The following CNTN4 variants were observed in gnomAD, a reference collection of about 807,000 sequenced individuals.
CNTN4 encodes the protein contactin-4.
In CNTN4, 77 loss-of-function variants were observed where a neutral mutation model predicts 122.5. That is an observed-to-expected ratio of 0.63 (90% CI 0.52 to 0.76). CNTN4 has a LOEUF of 0.76. Among genes scored for constraint, CNTN4 ranks in the 30% least tolerant of loss-of-function variants. CNTN4 has a pLI of 0.00. For synonymous variants in CNTN4, 512 were observed against 447.0 expected, an observed-to-expected ratio of 1.15 and a Z score of -1.83; for missense variants, 1,256 against 1,259.1, an observed-to-expected ratio of 1.00 and a Z score of 0.04.
At chr3:2,647,367 G>T (rs1474934765) in intron 4 of CNTN4, among the ~76,000 whole-genome samples, 1 of 149,876 alleles carries the variant, frequency 6.7e-6, no homozygotes, top group Non-Finnish European at 1.5e-5. Context: ...GGCAACGAGA[G>T]CGAAACTCAT....
intron 12 of CNTN4, 86 bp downstream of exon 12, chr3:2,903,091 A>G (rs553613096): frequency 4.1e-5 from 57 of 1,392,928 alleles, no homozygotes; most frequent in Middle Eastern, 3.8e-4. Flanking sequence ...TAAATGTTCA[A>G]TCCAAGAAAA....
intron 10 of CNTN4, among the ~76,000 whole-genome samples, chr3:2,895,473 G>A (rs1293330030): frequency 6.6e-6 from 1 of 152,136 alleles, no homozygotes; most frequent in Admixed American, 6.5e-5. Flanking sequence ...GCTTTGAGTT[G>A]CCTTCTAGTG....
At chr3:2,195,925 A>G (rs1379189395) in intron 2 of CNTN4, among the ~76,000 whole-genome samples, 1 of 152,256 alleles carries the variant, frequency 6.6e-6, no homozygotes, top group Non-Finnish European at 1.5e-5. Flanking sequence ...AATTTTCAGT[A>G]AGGATTGTGG....
chr3:2,341,607 C>G (rs981819382), intron 3 of CNTN4, among the ~76,000 whole-genome samples: 1 of 152,194 alleles, frequency 6.6e-6, no homozygotes, highest in South Asian at 2.1e-4. Context: ...CAAAGAGGGC[C>G]CAGGCACCCT....
At chr3:2,916,440 A>G (rs2094356221) in intron 12 of CNTN4, among the ~76,000 whole-genome samples, 1 of 149,810 alleles carries the variant, frequency 6.7e-6, no homozygotes, top group South Asian at 2.2e-4. Context: ...TCTGTTTAAC[A>G]AAGCACATCT....
chr3:2,866,841 G>T lies in CNTN4; in HGVS notation c.544G>T (p.Ala182Ser). 1.9e-6 allele frequency: 3 copies of T among 1,613,744 alleles called. No individual in the cohort carries two copies. The highest frequency in any genetic ancestry group is 2.5e-6 in the Non-Finnish European group (3 of 1,179,732). The change falls in exon 8 of 25, where the codon GCC (alanine) becomes TCC (serine). Residue 182 changes from alanine (A) to serine (S), a missense_variant. Coordinates refer to ENST00000418658, the MANE Select transcript of CNTN4 (RefSeq NM_175607.3). ...VSQETGNLYI[A>S]KVEKSDVGNY... ...TCAAGAGACTGGGAATCTGTATATT[G>T]CCAAAGTAGAAAAATCAGATGTTGG...
At chr3:2,549,341 A>G (rs575457278) in intron 3 of CNTN4, among the ~76,000 whole-genome samples, 1 of 152,280 alleles carries the variant, frequency 6.6e-6, no homozygotes, top group South Asian at 2.1e-4. Context: ...TGGGTTTGTC[A>G]TAAATAGCTC....
intron 2 of CNTN4, among the ~76,000 whole-genome samples, chr3:2,239,491 G>A (rs769369456): frequency 1.3e-5 from 2 of 152,178 alleles, no homozygotes; most frequent in Non-Finnish European, 2.9e-5. Context: ...TGGATCAGCA[G>A]TGTAGAGCAA....
chr3:2,360,699 G>T (rs940979091), intron 3 of CNTN4, among the ~76,000 whole-genome samples: 5 of 152,218 alleles, frequency 3.3e-5, no homozygotes, highest in Middle Eastern at 3.4e-3. Context: ...CCAAGTAAAG[G>T]GGGAAGAGCC....
intron 3 of CNTN4, among the ~76,000 whole-genome samples, chr3:2,406,576 A>T (rs1304753083): frequency 6.6e-6 from 1 of 152,142 alleles, no homozygotes; most frequent in African/African-American, 2.4e-5. Context: ...GTGTATGGGA[A>T]TTCTCTGTAC....
chr3:2,237,061 T>C (rs977575746), intron 2 of CNTN4, among the ~76,000 whole-genome samples: 2 of 152,164 alleles, frequency 1.3e-5, no homozygotes, highest in African/African-American at 4.8e-5. Flanking sequence ...CAGGGATTTG[T>C]AGGCCAATTG....
intron 14 of CNTN4, among the ~76,000 whole-genome samples, chr3:2,998,332 G>A (rs1695721166): frequency 2.0e-5 from 3 of 152,170 alleles, no homozygotes; most frequent in Admixed American, 6.6e-5. Flanking sequence ...ATTGTGAGCC[G>A]TAGACCACAA....
intron 6 of CNTN4, among the ~76,000 whole-genome samples, chr3:2,816,004 A>T (rs1269854212): frequency 6.6e-6 from 1 of 151,856 alleles, no homozygotes; most frequent in Admixed American, 6.6e-5. Flanking sequence ...AAAACCAAAT[A>T]TCGTATGTTC....
At chr3:2,192,256 G>T (rs146818239) in intron 2 of CNTN4, among the ~76,000 whole-genome samples, 20,119 of 152,002 alleles carry the variant, frequency 0.13, 1,577 homozygotes, top group East Asian at 0.26. Flanking sequence ...TTAATGGGAT[G>T]GCTGGGTCAA....
At chr3:2,909,075 T>G (rs11129337) in intron 12 of CNTN4, among the ~76,000 whole-genome samples, 2 of 152,020 alleles carry the variant, frequency 1.3e-5, no homozygotes, top group Non-Finnish European at 2.9e-5. Flanking sequence ...AGTTATTTCA[T>G]AGGGACTTTC....
At chr3:2,595,537 G>T (rs17017037) in intron 4 of CNTN4, among the ~76,000 whole-genome samples, 1 of 152,158 alleles carries the variant, frequency 6.6e-6, no homozygotes, top group East Asian at 1.9e-4. Flanking sequence ...GCAAGGGTCC[G>T]TTCTCTTCAG....
chr3:2,392,118 C>G (rs545462163), intron 3 of CNTN4, among the ~76,000 whole-genome samples: 5 of 152,154 alleles, frequency 3.3e-5, no homozygotes, highest in Non-Finnish European at 7.4e-5. Context: ...ATCAGAAATG[C>G]TAAATCAGAT....
At chr3:2,280,844 GAA>G (rs2041688104) in intron 2 of CNTN4, among the ~76,000 whole-genome samples, 6 of 152,282 alleles carry the variant, frequency 3.9e-5, no homozygotes, top group Admixed American at 6.5e-5. Flanking sequence ...AACATTATGA[GAA>G]TGACACACAT....
intron 4 of CNTN4, among the ~76,000 whole-genome samples, chr3:2,718,929 G>A (rs2087665516): frequency 6.6e-6 from 1 of 151,978 alleles, no homozygotes; most frequent in South Asian, 2.1e-4. Context: ...TTATCTTCAG[G>A]GAGGTGTCTG....
Sources: allele counts gnomAD v4.1 joint callset (sites outside exome capture counted in the v4.1 genomes callset), GRCh38; gene constraint gnomAD v4.1.1; transcripts MANE v1.5; gene names NCBI Gene and HGNC (gene_info 2026-07-23, HGNC 2026-07-21).